The following ZCCHC7 variants were observed in gnomAD, a reference collection of about 807,000 sequenced individuals.
ZCCHC7 encodes zinc finger CCHC-type containing 7, also known as zinc finger CCHC domain-containing protein 7.
Under a neutral mutation model 52.0 loss-of-function variants are expected in ZCCHC7, and 35 were observed. The observed-to-expected ratio is 0.67, with a 90% confidence interval of 0.51 to 0.89. The LOEUF is 0.89. Among genes scored for constraint, ZCCHC7 ranks in the 40% least tolerant of loss-of-function variants. The pLI is 0.00. For missense variants in ZCCHC7, 574 were observed against 649.1 expected, an observed-to-expected ratio of 0.88 and a Z score of 1.26; for synonymous variants, 217 against 221.5, an observed-to-expected ratio of 0.98 and a Z score of 0.18.
At chr9:37,222,372 TG>T (rs1309295509) in intron 2 of ZCCHC7, among the ~76,000 whole-genome samples, 5 of 149,370 alleles carry the variant, frequency 3.3e-5, no homozygotes, top group South Asian at 2.1e-4. Flanking sequence ...TGTGTGTGTG[TG>T]TGTGTTTTCA....
At chr9:37,336,969 A>G (rs1377832510) in intron 6 of ZCCHC7, among the ~76,000 whole-genome samples, 2 of 152,128 alleles carry the variant, frequency 1.3e-5, no homozygotes, top group Admixed American at 6.6e-5. Flanking sequence ...CCGATCCCGC[A>G]TGCTATGAAT....
intron 2 of ZCCHC7, chr9:37,160,145 C>G (rs147189558): frequency 6.6e-6 from 1 of 152,104 alleles, no homozygotes; most frequent in East Asian, 1.9e-4. Flanking sequence ...TAAGCTGGTC[C>G]GGGTGCAGTG....
At chr9:37,152,784 T>C (rs1280406744) in intron 2 of ZCCHC7, among the ~76,000 whole-genome samples, 1 of 152,228 alleles carries the variant, frequency 6.6e-6, no homozygotes, top group African/African-American at 2.4e-5. Context: ...TTCTCTACTG[T>C]GAAGGTATTC....
intron 2 of ZCCHC7, among the ~76,000 whole-genome samples, chr9:37,280,166 A>G (rs1287618386): frequency 6.6e-6 from 1 of 152,188 alleles, no homozygotes; most frequent in East Asian, 1.9e-4. Context: ...TGTTTCAGAA[A>G]GATAAAAGGG....
At chr9:37,254,106 C>G (rs1008801238) in intron 2 of ZCCHC7, among the ~76,000 whole-genome samples, 6 of 151,866 alleles carry the variant, frequency 4.0e-5, no homozygotes, top group Admixed American at 3.3e-4. Context: ...TAAGGACTAT[C>G]CCTATATTTC....
chr9:37,161,209 A>G (rs901299229), intron 2 of ZCCHC7, among the ~76,000 whole-genome samples: 38 of 152,026 alleles, frequency 2.5e-4, no homozygotes, highest in Non-Finnish European at 1.3e-4. Context: ...CTCGCCTTCC[A>G]AAGTGCTGGG....
chr9:37,126,330 T>C lies in ZCCHC7; in HGVS notation c.-3T>C. ...TTTGCAGCTTCAAGGTTACTGACTT[T>C]TTATGATGTTTGGTGGCTATGAGAC... On this transcript the variant is annotated 5_prime_UTR_variant, in exon 2 of 9. Transcript: ENST00000336755. 1 of 1,606,662 alleles carries C rather than the reference T, an allele frequency of 6.2e-7. No individual in the cohort carries two copies. The highest frequency in any genetic ancestry group is 8.5e-7 in the Non-Finnish European group (1 of 1,176,580).
At chr9:37,166,417 G>A (rs1004852893) in intron 2 of ZCCHC7, among the ~76,000 whole-genome samples, 1 of 151,958 alleles carries the variant, frequency 6.6e-6, no homozygotes, top group African/African-American at 2.4e-5. Flanking sequence ...AATAATATGT[G>A]TAGAATCTCT....
At chr9:37,180,416 TTAA>T (rs147740019) in intron 2 of ZCCHC7, among the ~76,000 whole-genome samples, 3,020 of 152,270 alleles carry the variant, frequency 0.02, 102 homozygotes, top group African/African-American at 0.067. Context: ...AATTCTAATG[TTAA>T]TAATACAGTG....
chr9:37,182,517 A>G (rs1822418066), intron 2 of ZCCHC7, among the ~76,000 whole-genome samples: 2 of 152,078 alleles, frequency 1.3e-5, no homozygotes, highest in South Asian at 4.2e-4. Context: ...GGCACACGCC[A>G]CCACGGCTGG....
chr9:37,222,447 A>G (rs1588505726), intron 2 of ZCCHC7, among the ~76,000 whole-genome samples: 1 of 151,500 alleles, frequency 6.6e-6, no homozygotes, highest in African/African-American at 2.4e-5. Flanking sequence ...AGGATGGATT[A>G]GTTAGTAAGT....
intron 2 of ZCCHC7, among the ~76,000 whole-genome samples, chr9:37,163,458 C>G (rs761346168): frequency 1.3e-5 from 2 of 151,490 alleles, no homozygotes; most frequent in African/African-American, 2.4e-5. Flanking sequence ...TATGTTTGCA[C>G]TCATACTGCA....
rs116102810 is a variant in ZCCHC7 at position 37,186,119 on chromosome 9, T to C, written c.610+59177T>C. ...GGGTTGGGGGTGTGTGGAAAATCTG[T>C]TTTATTAAACTTAGTTTGCTATAAT... On this transcript the variant is annotated intron_variant, in intron 2 of 8. Transcript: ENST00000336755. Among the ~76,000 whole-genome samples the C allele has an allele frequency of 1.6e-3, 243 of 152,284 alleles. 1 individual carries two copies. Among genetic ancestry groups the C allele is most frequent in the African/African-American group, 5.6e-3 (233 of 41,546 alleles).
chr9:37,351,807 G>A (rs1323005192), intron 7 of ZCCHC7, among the ~76,000 whole-genome samples: 1 of 152,168 alleles, frequency 6.6e-6, no homozygotes, highest in African/African-American at 2.4e-5. Context: ...TAGCATTTAT[G>A]TTTGTTCAAT....
At chr9:37,123,525 T>C (rs1326218672) in intron 1 of ZCCHC7, among the ~76,000 whole-genome samples, 2 of 152,238 alleles carry the variant, frequency 1.3e-5, no homozygotes, top group African/African-American at 2.4e-5. Context: ...GTTTTTATTA[T>C]GGTTCTGTAG....
intron 2 of ZCCHC7, among the ~76,000 whole-genome samples, chr9:37,155,425 G>A (rs1252181451): frequency 1.3e-5 from 2 of 151,664 alleles, no homozygotes; most frequent in Admixed American, 1.3e-4. Flanking sequence ...CAACCAAATT[G>A]ATATTATTAA....
chr9:37,126,135 T>TA (rs1168123349), intron 1 of ZCCHC7, among the ~76,000 whole-genome samples, 177 bp from the exon 2 acceptor site: 1 of 152,220 alleles, frequency 6.6e-6, no homozygotes, highest in Non-Finnish European at 1.5e-5. Context: ...TGGTGGGACT[T>TA]ACAGGAGTGG....
chr9:37,278,271 A>G (rs1355515860), intron 2 of ZCCHC7, among the ~76,000 whole-genome samples: 1 of 152,320 alleles, frequency 6.6e-6, no homozygotes, highest in Non-Finnish European at 1.5e-5. Flanking sequence ...GCTCAAGGAT[A>G]TAAAATGGCA....
At position 37,213,010 on chromosome 9, in the gene ZCCHC7, T is replaced by C. The variant is rs563054526; in HGVS notation, c.610+86068T>C. ...TCTATAGAATAGACAGAGTGGATGTTCGGAATTTACTGAACTCTTCGCTTA... is the reference window on the plus strand; with the variant it reads ...TCTATAGAATAGACAGAGTGGATGTCCGGAATTTACTGAACTCTTCGCTTA... On this transcript the variant is annotated intron_variant, in intron 2 of 8. Coordinates refer to ENST00000336755, the MANE Select transcript of ZCCHC7 (RefSeq NM_032226.3). Among the ~76,000 whole-genome samples the C allele has an allele frequency of 8.3e-4, 127 of 152,342 alleles. 6 individuals are homozygous for C. The South Asian group carries it at 0.025, about 31-fold the overall frequency.
Sources: gnomAD v4.1 joint callset for allele counts (sites outside exome capture counted in the v4.1 genomes callset) on GRCh38, gnomAD v4.1.1 for gene constraint, MANE v1.5 for transcripts, NCBI Gene and HGNC (gene_info 2026-07-23, HGNC 2026-07-21) for gene names.